CDK12: variants seen among roughly 807,000 people sequenced by gnomAD.
The protein encoded by CDK12 is cyclin-dependent kinase 12.
Under a neutral mutation model 133.8 loss-of-function variants are expected in CDK12, and 17 were observed. The ratio of observed to expected loss-of-function variants is 0.13; its 90% CI spans 0.09 to 0.19. The LOEUF is 0.19. Among genes scored for constraint, CDK12 ranks in the 10% least tolerant of loss-of-function variants. CDK12 has a pLI of 1.00. For synonymous variants in CDK12, 694 were observed against 683.6 expected (o/e 1.02, Z -0.24); for missense variants, 1,508 against 1,818.7 (o/e 0.83, Z 3.11).
chr17:39,527,055 G>T (rs904935767), intron 13 of CDK12, among the ~76,000 whole-genome samples: 5 of 152,202 alleles, frequency 3.3e-5, no homozygotes, highest in African/African-American at 1.2e-4. Context: ...GATTCACACT[G>T]TATTTGCAAA....
chr17:39,487,992 A>G (rs915765887), intron 2 of CDK12, among the ~76,000 whole-genome samples: 2 of 152,064 alleles, frequency 1.3e-5, no homozygotes, highest in Non-Finnish European at 2.9e-5. Flanking sequence ...ACGTGGTAGG[A>G]GGCGAGGCAA....
chr17:39,515,256 A>G (rs895880467), intron 8 of CDK12, among the ~76,000 whole-genome samples: 2 of 152,218 alleles, frequency 1.3e-5, no homozygotes, highest in Non-Finnish European at 2.9e-5. Context: ...AGCTGATGAC[A>G]GTAAATTATT....
intron 1 of CDK12, among the ~76,000 whole-genome samples, chr17:39,470,455 TTAGAG>T (rs928177184): frequency 2.0e-5 from 3 of 152,184 alleles, no homozygotes; most frequent in Non-Finnish European, 1.5e-5. Context: ...CTTTATTTCT[TTAGAG>T]TAGTTTAAGA....
At chr17:39,518,428 A>C (rs145441514) in intron 10 of CDK12, among the ~76,000 whole-genome samples, 1 of 151,518 alleles carries the variant, frequency 6.6e-6, no homozygotes, top group African/African-American at 2.4e-5. Context: ...CAGCCCCCCA[A>C]ATTGCTGGGC....
chr17:39,511,819 A>T (rs1022574494), intron 8 of CDK12, among the ~76,000 whole-genome samples, 189 bp downstream of exon 8: 2 of 151,902 alleles, frequency 1.3e-5, no homozygotes, highest in African/African-American at 4.8e-5. Context: ...TAAAAAACAG[A>T]TTTCTTCTTT....
At position 39,490,549 on chromosome 17, in the gene CDK12, T is replaced by C. The variant is rs1268748989; in HGVS notation, c.1932-8T>C. The C allele has an allele frequency of 5.7e-6, 9 of 1,585,718 alleles. No homozygotes were observed. Among genetic ancestry groups the C allele is most frequent in the East Asian group, 4.5e-5 (2 of 44,704 alleles). On this transcript the variant is annotated splice_region_variant and splice_polypyrimidine_tract_variant and intron_variant, in intron 2 of 13. Transcript: ENST00000447079. ...TAATTTTGTCATCTCTTCTCATTTA[T>C]TGTTTAGTCCAAAAGAAACTCTTCC...
chr17:39,514,504 A>G (rs140331652), intron 8 of CDK12, among the ~76,000 whole-genome samples: 8 of 152,158 alleles, frequency 5.3e-5, no homozygotes, highest in Admixed American at 2.6e-4. Flanking sequence ...AACAAAAAGT[A>G]TGGGATATTC....
chr17:39,476,534 C>T (rs1022981902), intron 2 of CDK12, among the ~76,000 whole-genome samples: 2 of 151,880 alleles, frequency 1.3e-5, no homozygotes, highest in African/African-American at 4.8e-5. Context: ...CTGCCTCAGC[C>T]TCCCAAGTAG....
At chr17:39,480,772 C>T (rs2050581009) in intron 2 of CDK12, among the ~76,000 whole-genome samples, 1 of 152,072 alleles carries the variant, frequency 6.6e-6, no homozygotes, top group Admixed American at 6.6e-5. Context: ...AGTGTACTAG[C>T]TCAGGTATCA....
intron 2 of CDK12, among the ~76,000 whole-genome samples, chr17:39,555,664 G>C (rs2056126613): frequency 6.6e-6 from 1 of 151,888 alleles, no homozygotes; most frequent in Non-Finnish European, 1.5e-5. Flanking sequence ...CCAGGTGTAA[G>C]CAAATGTAGG....
At chr17:39,480,261 T>A (rs1413060334) in intron 2 of CDK12, among the ~76,000 whole-genome samples, 4 of 148,342 alleles carry the variant, frequency 2.7e-5, no homozygotes, top group Non-Finnish European at 6.0e-5. Flanking sequence ...GAATGAAACT[T>A]TACTTTTTTT....
At chr17:39,507,510 C>T (rs2053211842) in intron 6 of CDK12, among the ~76,000 whole-genome samples, 2 of 151,676 alleles carry the variant, frequency 1.3e-5, no homozygotes, top group Admixed American at 6.6e-5. Context: ...GCCGAGATAG[C>T]GCCATCGCAC....
intron 3 of CDK12, among the ~76,000 whole-genome samples, chr17:39,491,363 A>C (rs1051895146): frequency 6.6e-6 from 1 of 151,950 alleles, no homozygotes; most frequent in Non-Finnish European, 1.5e-5. Context: ...CAGCCTCCCG[A>C]GTAGCTGGGA....
At chr17:39,511,780 A>C in intron 8 of CDK12, 150 bp downstream of exon 8, 1 of 435,982 alleles carries the variant, frequency 2.3e-6, no homozygotes, top group Non-Finnish European at 4.1e-6. Flanking sequence ...AATCTGTTGA[A>C]TATTTCTTAA....
chr17:39,554,778 C>CTGAG (rs2056086282), intron 2 of CDK12, among the ~76,000 whole-genome samples: 1 of 151,774 alleles, frequency 6.6e-6, no homozygotes. Context: ...ACTCAGGAGG[C>CTGAG]TGAGGCAGGA....
chr17:39,527,911 C>T (rs957925010), intron 13 of CDK12, among the ~76,000 whole-genome samples: 1 of 151,328 alleles, frequency 6.6e-6, no homozygotes, highest in Non-Finnish European at 1.5e-5. Flanking sequence ...CCTGAAAGTC[C>T]GTACTTTTTT....
chr17:39,566,304 T>C (rs1399158050), downstream of CDK12, among the ~76,000 whole-genome samples: 1 of 152,016 alleles, frequency 6.6e-6, no homozygotes, highest in African/African-American at 2.4e-5. Context: ...TGGTCTTCCA[T>C]TAGTTTGTTG....
chr17:39,550,988 A>G (rs2055932716), intron 1 of CDK12: 2 of 152,128 alleles, frequency 1.3e-5, no homozygotes, highest in Non-Finnish European at 2.9e-5. Context: ...AAAAAAAAAA[A>G]AAAAAAAGGG....
rs138303979 is a variant in CDK12 at position 39,485,569 on chromosome 17, C to T, written c.1932-4988C>T. On this transcript the variant is annotated intron_variant, in intron 2 of 13. Transcript: ENST00000447079. ...TGGGACTAACAGGCGGGTGCCACCACGCCTGGCTAATTTTTTTTGTATTTT... is the reference window on the plus strand; with the variant it reads ...TGGGACTAACAGGCGGGTGCCACCATGCCTGGCTAATTTTTTTTGTATTTT... Among the ~76,000 whole-genome samples, 606 of 147,718 alleles carry T rather than the reference C, an allele frequency of 4.1e-3. 6 individuals are homozygous for T. Among genetic ancestry groups the T allele is most frequent in the African/African-American group, 0.015 (578 of 37,472 alleles).
Sources: allele counts gnomAD v4.1 joint callset (sites outside exome capture counted in the v4.1 genomes callset), GRCh38; gene constraint gnomAD v4.1.1; transcripts MANE v1.5; gene names NCBI Gene and HGNC (gene_info 2026-07-23, HGNC 2026-07-21).